RND3: variants seen among roughly 807,000 people sequenced by gnomAD.
The protein encoded by RND3 is Rho family GTPase 3.
RND3 carries 8 observed loss-of-function variants against 26.5 expected under a neutral mutation model. The observed-to-expected ratio is 0.30, with a 90% CI of 0.18 to 0.54. RND3 has a LOEUF of 0.54. Ranked by LOEUF, RND3 falls within the 20% of genes least tolerant of loss-of-function variation. The probability of loss-of-function intolerance (pLI) is 0.94; values close to 1 mark genes in which losing one functional copy is unlikely to be tolerated. For missense variants in RND3, 207 were observed against 302.8 expected (o/e 0.68, Z 2.35); for synonymous variants, 113 against 113.0 (o/e 1.00, Z 0.00).
chr2:150,480,299 A>G (rs1686249053), intron 3 of RND3, among the ~76,000 whole-genome samples: 1 of 152,210 alleles, frequency 6.6e-6, no homozygotes, highest in African/African-American at 2.4e-5. Context: ...TTCAAAACCA[A>G]TGTGCACAAC....
At chr2:150,481,919 A>G (rs142445010) in intron 3 of RND3, among the ~76,000 whole-genome samples, 3 of 152,320 alleles carry the variant, frequency 2.0e-5, no homozygotes, top group African/African-American at 7.2e-5. Flanking sequence ...GCTTAGATAG[A>G]CTTCTGTTTA....
At chr2:150,487,114 T>C in intron 2 of RND3, 154 bp downstream of exon 2, 1 of 680,426 alleles carries the variant, frequency 1.5e-6, no homozygotes, top group Admixed American at 3.0e-5. Context: ...TTCCCCGCAG[T>C]CTAATCAGGG....
intron 4 of RND3, 119 bp downstream of exon 4, chr2:150,474,756 T>C (rs1686139279): frequency 1.9e-6 from 1 of 537,864 alleles, no homozygotes; most frequent in Non-Finnish European, 3.3e-6. Context: ...CTTTCTAGTG[T>C]TTAATTACAA....
chr2:150,487,474 A>AAAAAAATATATAT lies in RND3; in HGVS notation c.-38-20_-38-19insATATATATTTTTT. The AAAAAAATATATAT allele has an allele frequency of 6.9e-4, 138 of 200,782 alleles. No individual in the cohort carries two copies. The highest frequency in any genetic ancestry group is 1.6e-3 in the Middle Eastern group (1 of 612). The allele number at this position is 200,782 out of a possible 1,614,324, so 12.4% of individuals were successfully genotyped here. ...ATTTTCTCTTAAGAAGAAAAAAAAA[A>AAAAAAATATATAT]ATATATATATATATATATATTTCTC... On this transcript the variant is annotated intron_variant, in intron 1 of 5. Coordinates refer to ENST00000263895, the MANE Select transcript of RND3 (RefSeq NM_005168.5).
chr2:150,475,370 T>C (rs577722728), intron 3 of RND3, among the ~76,000 whole-genome samples: 255 of 152,278 alleles, frequency 1.7e-3, no homozygotes, highest in Non-Finnish European at 2.6e-3. Context: ...CTCTGATTCT[T>C]CACTCATAAA....
rs952492399 is a variant in RND3, at chr2:150,469,598, C to T, written c.*389G>A. 1.2e-5 allele frequency: 2 copies of T among 167,302 alleles called. No individual in the cohort carries two copies. The highest frequency in any genetic ancestry group is 5.0e-5 in the African/African-American group (2 of 40,088). 10.4% of individuals were successfully genotyped at this position (167,302 alleles called of 1,614,324 possible). On this transcript the variant is annotated 3_prime_UTR_variant, in exon 6 of 6. Coordinates refer to ENST00000263895, the MANE Select transcript of RND3 (RefSeq NM_005168.5). ...ATACTTTTTGTAAAGGAGATTAAAACATTTAAAAATTAAATCAAAGTGGAG... is the reference window on the plus strand; with the variant it reads ...ATACTTTTTGTAAAGGAGATTAAAATATTTAAAAATTAAATCAAAGTGGAG...
chr2:150,486,853 T>C lies in RND3; in HGVS notation c.151-72A>G. ...GTTACGTTTAAACGCACGACACCCA[T>C]TGAACACCCTTCCCCTCCCCGCTCC... On this transcript the variant is annotated intron_variant, in intron 2 of 5. Coordinates refer to ENST00000263895, the MANE Select transcript of RND3 (RefSeq NM_005168.5). This position sits in a 1 kb window ranked among gnomAD's most constrained non-coding sequence, Gnocchi z 4.5. 9.8e-7 allele frequency: 1 copy of C among 1,022,442 alleles called. No homozygotes were observed. Among genetic ancestry groups the C allele is most frequent in the South Asian group, 1.3e-5 (1 of 79,288 alleles). 63.3% of individuals were successfully genotyped at this position (1,022,442 alleles called of 1,614,324 possible). A position where few individuals can be genotyped will look rare whatever the true frequency, so the allele number is the denominator to read the frequency against.
In RND3 at chr2:150,474,749, T is replaced by C. The variant is rs868656732; in HGVS notation, c.348+126A>G. 36 of 524,448 alleles carry C rather than the reference T, an allele frequency of 6.9e-5. 1 individual carries two copies. The Middle Eastern group carries it at 8.1e-3, about 117-fold the overall frequency. The allele number at this position is 524,448 out of a possible 1,614,324, so 32.5% of individuals were successfully genotyped here. ...CCCATTTTGGTGTGAAAGGGTTCTT[T>C]CTAGTGTTTAATTACAAATTGTAAG... On this transcript the variant is annotated intron_variant, in intron 4 of 5. Coordinates refer to ENST00000263895, the MANE Select transcript of RND3 (RefSeq NM_005168.5).
chr2:150,481,984 T>A (rs1686281682), intron 3 of RND3, among the ~76,000 whole-genome samples: 1 of 152,198 alleles, frequency 6.6e-6, no homozygotes, highest in Non-Finnish European at 1.5e-5. Flanking sequence ...ATTTTTCCTC[T>A]CTTTTTCTCT....
rs1236158055 is a variant in RND3 at position 150,487,470 on chromosome 2, A to ATATATATATATAT, written c.-38-16_-38-15insATATATATATATA. On this transcript the variant is annotated splice_polypyrimidine_tract_variant and intron_variant, in intron 1 of 5. Transcript: ENST00000263895. ...AGGAATTTTCTCTTAAGAAGAAAAAAAAAAATATATATATATATATATATT... is the reference window on the plus strand; with the variant it reads ...AGGAATTTTCTCTTAAGAAGAAAAAATATATATATATATAAAAATATATATATATATATATATT... 510 of 402,262 alleles carry ATATATATATATAT rather than the reference A, an allele frequency of 1.3e-3. No individual in the cohort carries two copies. The highest frequency in any genetic ancestry group is 4.1e-3 in the Admixed American group (52 of 12,722). The allele number at this position is 402,262 out of a possible 1,614,324, so 24.9% of individuals were successfully genotyped here.
chr2:150,470,045 A>G lies in RND3; in HGVS notation c.677T>C (p.Leu226Pro), dbSNP rs750617672. The G allele has an allele frequency of 6.2e-7, 1 of 1,613,862 alleles. No individual in the cohort carries two copies. The highest frequency in any genetic ancestry group is 8.5e-7 in the Non-Finnish European group (1 of 1,179,932). The change falls in exon 6 of 6, where the codon CTC becomes CCC. Residue 226 changes from leucine to proline, a missense_variant. Transcript: ENST00000263895. ...TCGTAAGTCCGTAGCAACTGCCGAG[A>G]GTTCTGGTCTGCTAGGCATGTGTGA... ...RISHMPSRPELSAVATDLRKD... is the reference protein window; with the variant it reads ...RISHMPSRPEPSAVATDLRKD...
chr2:150,470,342 C>T, intron 5 of RND3, 104 bp from the exon 6 acceptor site: 1 of 1,257,384 alleles, frequency 8.0e-7, no homozygotes, highest in South Asian at 1.5e-5. Flanking sequence ...AAAACGTTTG[C>T]TGATATGTTA....
At chr2:150,482,842 G>T (rs1295380047) in intron 3 of RND3, among the ~76,000 whole-genome samples, 1 of 152,140 alleles carries the variant, frequency 6.6e-6, no homozygotes, top group Non-Finnish European at 1.5e-5. Context: ...AAAGGGCACT[G>T]GGGTTCAAGG....
At chr2:150,477,767 A>T (rs754239105) in intron 3 of RND3, among the ~76,000 whole-genome samples, 1 of 152,208 alleles carries the variant, frequency 6.6e-6, no homozygotes, top group Admixed American at 6.5e-5. Context: ...TAACAGTATA[A>T]GTGAAAATAC....
At chr2:150,470,861 AG>A (rs1686077135) in intron 5 of RND3, among the ~76,000 whole-genome samples, 1 of 152,174 alleles carries the variant, frequency 6.6e-6, no homozygotes, top group African/African-American at 2.4e-5. Flanking sequence ...TACCAAAAAC[AG>A]GGGCAATGAA....
At chr2:150,481,612 C>T (rs1044240138) in intron 3 of RND3, among the ~76,000 whole-genome samples, 1 of 152,122 alleles carries the variant, frequency 6.6e-6, no homozygotes, top group African/African-American at 2.4e-5. Flanking sequence ...CTCTGTACTC[C>T]TCCCATAGCA....
At chr2:150,480,112 C>A (rs1412410772) in intron 3 of RND3, among the ~76,000 whole-genome samples, 2 of 152,030 alleles carry the variant, frequency 1.3e-5, no homozygotes, top group African/African-American at 4.8e-5. Flanking sequence ...GACAGTGGAA[C>A]CATGGTTAAG....
intron 3 of RND3, among the ~76,000 whole-genome samples, chr2:150,479,000 G>A (rs923361550): frequency 4.0e-5 from 6 of 151,550 alleles, no homozygotes; most frequent in African/African-American, 1.5e-4. Context: ...ATATTGTAAA[G>A]AAACAACTAC....
chr2:150,473,176 A>G (rs1370914494), intron 4 of RND3, among the ~76,000 whole-genome samples: 4 of 152,078 alleles, frequency 2.6e-5, no homozygotes, highest in African/African-American at 9.7e-5. Context: ...CCCTACTTCA[A>G]GTCATTCTAA....
Sources: gnomAD v4.1 joint callset for allele counts (sites outside exome capture counted in the v4.1 genomes callset) on GRCh38, gnomAD v4.1.1 for gene constraint, Gnocchi (gnomAD v3.1) non-coding constraint, MANE v1.5 for transcripts, NCBI Gene and HGNC (gene_info 2026-07-23, HGNC 2026-07-21) for gene names.